The following ATAD2B variants were observed in gnomAD, a reference collection of about 807,000 sequenced individuals.
ATAD2B encodes ATPase family AAA domain-containing protein 2B.
ATAD2B carries 40 observed loss-of-function variants against 167.6 expected under a neutral mutation model. The observed-to-expected ratio is 0.24, with a 90% CI of 0.19 to 0.31. The LOEUF is 0.31. Ranked by LOEUF, ATAD2B falls within the 10% of genes least tolerant of loss-of-function variation. The probability of loss-of-function intolerance (pLI) is 1.00; values close to 1 mark genes in which losing one functional copy is unlikely to be tolerated. For synonymous variants in ATAD2B, 579 were observed against 596.5 expected, an observed-to-expected ratio of 0.97 and a Z score of 0.43; for missense variants, 1,242 against 1,757.2, an observed-to-expected ratio of 0.71 and a Z score of 5.24.
intron 20 of ATAD2B, 136 bp from the exon 21 acceptor site, chr2:23,786,359 T>C: frequency 1.3e-6 from 1 of 774,824 alleles, no homozygotes; most frequent in Non-Finnish European, 2.0e-6. Context: ...GGATACATTC[T>C]AAGAAATGTG....
At position 23,895,967 on chromosome 2, in the gene ATAD2B, C is replaced by T. The variant is rs1290971298; in HGVS notation, c.220G>A (p.Val74Ile). The change falls in exon 2 of 28, where the codon GTT becomes ATT. Residue 74 changes from valine (V) to isoleucine (I), a missense_variant. By Grantham distance (29) the Val-to-Ile change is conservative. This residue lies in a region of ATAD2B where 199 missense variants were observed against 194.9 expected (regional missense o/e 1.02). Coordinates refer to ENST00000238789, the MANE Select transcript of ATAD2B (RefSeq NM_017552.4). ...AGVTLDEARK[V>I]EVDGSLSDSH... is the part of the protein sequence containing the mutation. Reference sequence around the variant, plus strand: ...TCACTTAAACTACCATCAACTTCAACTTTCTGAAAGACAATGTTAAAAATG... The same window carrying T: ...TCACTTAAACTACCATCAACTTCAATTTTCTGAAAGACAATGTTAAAAATG... 1.2e-5 allele frequency: 19 copies of T among 1,610,482 alleles called. No homozygotes were observed. The highest frequency in any genetic ancestry group is 5.0e-5 in the Admixed American group (3 of 59,730).
intron 13 of ATAD2B, among the ~76,000 whole-genome samples, chr2:23,852,114 A>G (rs1345473405): frequency 6.6e-6 from 1 of 152,216 alleles, no homozygotes; most frequent in African/African-American, 2.4e-5. Context: ...AATAAATAGA[A>G]AACTTGAACA....
intron 7 of ATAD2B, 126 bp from the exon 8 acceptor site, chr2:23,876,030 T>A: frequency 1.4e-6 from 1 of 699,974 alleles, no homozygotes; most frequent in Non-Finnish European, 2.4e-6. Flanking sequence ...AGTCTTGCTC[T>A]AACGCCAGGC....
intron 1 of ATAD2B, among the ~76,000 whole-genome samples, chr2:23,915,132 G>C (rs866573637): frequency 6.6e-6 from 1 of 152,130 alleles, no homozygotes; most frequent in Non-Finnish European, 1.5e-5. Context: ...GGTGGGAGTA[G>C]TGACTGTATG....
At chr2:23,837,875 G>T (rs1172548020) in intron 13 of ATAD2B, among the ~76,000 whole-genome samples, 2 of 152,128 alleles carry the variant, frequency 1.3e-5, no homozygotes, top group Non-Finnish European at 2.9e-5. Flanking sequence ...GCATATTTTA[G>T]AGTAGTTTTT....
chr2:23,907,846 T>C lies in ATAD2B; in HGVS notation c.217-11876A>G, dbSNP rs372883764. On this transcript the variant is annotated intron_variant, in intron 1 of 27. Transcript: ENST00000238789. ...CAGAAATAACGCCGCATATCTACAA[T>C]TATCTGATCTTTGACAAACCTGACA... 7.6e-4 allele frequency among the ~76,000 whole-genome samples: 116 copies of C among 152,182 alleles called. 1 individual carries two copies. Among genetic ancestry groups the C allele is most frequent in the African/African-American group, 2.8e-3 (115 of 41,524 alleles).
chr2:23,899,597 T>C (rs990874648), intron 1 of ATAD2B, among the ~76,000 whole-genome samples: 3 of 151,636 alleles, frequency 2.0e-5, no homozygotes, highest in Non-Finnish European at 2.9e-5. Context: ...CATTTTTTTC[T>C]TTTTTTTCTC....
chr2:23,828,373 A>T (rs913649504), intron 15 of ATAD2B, among the ~76,000 whole-genome samples: 1 of 152,166 alleles, frequency 6.6e-6, no homozygotes. Flanking sequence ...GGGAACTACT[A>T]CCAAATATAA....
intron 26 of ATAD2B, 68 bp downstream of exon 26, chr2:23,754,579 A>T: frequency 6.4e-7 from 1 of 1,550,948 alleles, no homozygotes; most frequent in South Asian, 1.2e-5. Flanking sequence ...CTTTTACTCA[A>T]CTGCCTACAA....
intron 23 of ATAD2B, among the ~76,000 whole-genome samples, chr2:23,764,923 G>A (rs904385403): frequency 1.3e-5 from 2 of 152,144 alleles, no homozygotes; most frequent in African/African-American, 4.8e-5. Flanking sequence ...TGATCAAAAT[G>A]CTGGGTTCCC....
At chr2:23,868,038 T>C in intron 9 of ATAD2B, 92 bp from the exon 10 acceptor site, 1 of 743,612 alleles carries the variant, frequency 1.3e-6, no homozygotes, top group South Asian at 1.8e-5. Flanking sequence ...TGTCTTCATC[T>C]TTCTCCTTTT....
At chr2:23,857,552 A>G (rs963349423) in intron 12 of ATAD2B, 49 bp from the exon 13 acceptor site, 7 of 927,612 alleles carry the variant, frequency 7.5e-6, no homozygotes, top group Non-Finnish European at 9.1e-6. Flanking sequence ...TTTCATTTTT[A>G]AAATTTATTA....
chr2:23,739,809 C>T, the ATAD2B span, among the ~76,000 whole-genome samples: 2 of 151,620 alleles, frequency 1.3e-5, no homozygotes, highest in African/African-American at 2.4e-5. Flanking sequence ...ACTAGCAAGA[C>T]TAATAAAGAA....
At chr2:23,849,114 C>A (rs1473916312) in intron 13 of ATAD2B, among the ~76,000 whole-genome samples, 1 of 151,934 alleles carries the variant, frequency 6.6e-6, no homozygotes, top group Non-Finnish European at 1.5e-5. Flanking sequence ...ATGAAATGAT[C>A]CCCAATTCAA....
chr2:23,804,798 A>G (rs1477074253), intron 18 of ATAD2B, among the ~76,000 whole-genome samples: 1 of 152,160 alleles, frequency 6.6e-6, no homozygotes, highest in Non-Finnish European at 1.5e-5. Context: ...CAAATTAACC[A>G]TAAGGAACAA....
At chr2:23,693,340 T>C in the ATAD2B span, 4 of 1,551,486 alleles carry the variant, frequency 2.6e-6, no homozygotes, top group Non-Finnish European at 2.6e-6. Context: ...CAGCGAGCTC[T>C]ACCACATGGC....
At position 23,888,418 on chromosome 2, in the gene ATAD2B, TA is replaced by T; in HGVS notation, c.369-20del. 1 of 1,512,184 alleles carries T rather than the reference TA, an allele frequency of 6.6e-7. No homozygotes were observed. The highest frequency in any genetic ancestry group is 8.9e-7 in the Non-Finnish European group (1 of 1,117,632). 93.7% of individuals were successfully genotyped at this position (1,512,184 alleles called of 1,614,324 possible). On this transcript the variant is annotated intron_variant, in intron 2 of 27. Coordinates refer to ENST00000238789, the MANE Select transcript of ATAD2B (RefSeq NM_017552.4). ...AGTTAACCTAGAACACAATAATATT[TA>T]ATATGCAAACACATCAACATTTGCT...
chr2:23,691,927 G>A, the ATAD2B span: 37 of 1,509,216 alleles, frequency 2.5e-5, no homozygotes, highest in East Asian at 1.7e-4. Flanking sequence ...GCAGATGGGC[G>A]GAGAACTCCA....
chr2:23,701,819 T>TC, the ATAD2B span, among the ~76,000 whole-genome samples: 3 of 103,234 alleles, frequency 2.9e-5, no homozygotes, highest in Non-Finnish European at 3.9e-5. Context: ...TTTTTTTTTT[T>TC]CAGACGGAGT....
Sources: gnomAD v4.1 joint callset for allele counts (sites outside exome capture counted in the v4.1 genomes callset) on GRCh38, gnomAD v4.1.1 for gene constraint, gnomAD v4.1.1 regional missense constraint, MANE v1.5 for transcripts, NCBI Gene and HGNC (gene_info 2026-07-23, HGNC 2026-07-21) for gene names.